MMS19: variants seen among roughly 807,000 people sequenced by gnomAD.
MMS19 encodes the protein MMS19 nucleotide excision repair protein homolog.
MMS19 carries 77 observed loss-of-function variants against 129.8 expected under a neutral mutation model. The observed-to-expected ratio is 0.59, with a 90% CI of 0.49 to 0.72. MMS19 has a LOEUF of 0.72. Among genes scored for constraint, MMS19 ranks in the 30% least tolerant of loss-of-function variants. MMS19 has a pLI of 0.00. For synonymous variants in MMS19, 491 were observed against 502.8 expected (o/e 0.98, Z 0.31); for missense variants, 1,168 against 1,266.3 (o/e 0.92, Z 1.18).
chr10:97,492,253 G>A (rs1294757984), intron 1 of MMS19, among the ~76,000 whole-genome samples: 1 of 148,490 alleles, frequency 6.7e-6, no homozygotes, highest in Admixed American at 6.7e-5. Flanking sequence ...GGCGGATCAC[G>A]AGGTCAGGAG....
intron 1 of MMS19, among the ~76,000 whole-genome samples, chr10:97,493,392 C>T (rs769675581): frequency 3.9e-5 from 6 of 152,032 alleles, no homozygotes; most frequent in South Asian, 2.1e-4. Context: ...CCTTGGGCAA[C>T]AAAACAAGGC....
rs373805431 is a variant in MMS19 at position 97,459,680 on chromosome 10, T to C, written c.2718A>G (p.Val906=). Residue 906 remains valine (V), a synonymous_variant, in exon 27 of 31, where the codon GTA becomes GTG. Coordinates refer to ENST00000438925, the MANE Select transcript of MMS19 (RefSeq NM_022362.5). ...TTACCGTGGGCAGCTCTGGCAAGAG[T>C]ACAGGCTTGGGCAGCCTGTTAAGTA... ...SHVLNRLPKP[V]LLPELPTLLS... 267 of 1,612,296 alleles carry C rather than the reference T, an allele frequency of 1.7e-4. No individual in the cohort carries two copies. The highest frequency in any genetic ancestry group is 2.3e-4 in the Non-Finnish European group (266 of 1,179,238).
rs563214279 is a variant in MMS19 at position 97,476,600 on chromosome 10, T to G, written c.684+83A>C. On this transcript the variant is annotated intron_variant, in intron 8 of 30. Transcript: ENST00000438925. Reference sequence around the variant, plus strand: ...GGCGGGGATGTCTATTTTGGTGACCTGTACCCTCAGTGCCCAGAACAGGGC... The same window carrying G: ...GGCGGGGATGTCTATTTTGGTGACCGGTACCCTCAGTGCCCAGAACAGGGC... The G allele has an allele frequency of 1.5e-4, 202 of 1,319,332 alleles. 1 individual carries two copies. In the African/African-American group the frequency reaches 2.7e-3, roughly 18 times the overall value. 81.7% of individuals were successfully genotyped at this position (1,319,332 alleles called of 1,614,324 possible).
intron 1 of MMS19, among the ~76,000 whole-genome samples, chr10:97,486,164 C>T (rs2037809450): frequency 6.6e-6 from 1 of 152,154 alleles, no homozygotes; most frequent in Admixed American, 6.5e-5. Flanking sequence ...AGAAAGAAAT[C>T]TTACCACTTG....
chr10:97,459,336 C>A, intron 28 of MMS19, 26 bp downstream of exon 28: 1 of 1,610,294 alleles, frequency 6.2e-7, no homozygotes. Flanking sequence ...ATGCTGGTGC[C>A]TAAGAGTTGC....
intron 16 of MMS19, 31 bp downstream of exon 16, chr10:97,466,473 C>A: frequency 6.5e-7 from 1 of 1,532,362 alleles, no homozygotes; most frequent in Non-Finnish European, 9.0e-7. Flanking sequence ...CAGGGAACAG[C>A]TTGCTCTATC....
At position 97,461,846 on chromosome 10, in the gene MMS19, G is replaced by C. The variant is rs749968126; in HGVS notation, c.2166C>G (p.Val722=). The change falls in exon 22 of 31, where the codon GTC becomes GTG. Residue 722 remains valine (V), a synonymous_variant. Coordinates refer to ENST00000438925, the MANE Select transcript of MMS19 (RefSeq NM_022362.5). ...RRLIALLMAF[V]CSLPRNVEIP... is the part of the protein sequence containing the mutation. The stretch of plus-strand genomic sequence containing the variant: ...CACTTACATTTCGAGGCAGGGAGCA[G>C]ACAAAGGCCATAAGCAGTGCAATCA... 6.2e-7 allele frequency: 1 copy of C among 1,609,774 alleles called. No individual in the cohort carries two copies. Among genetic ancestry groups the C allele is most frequent in the East Asian group, 2.2e-5 (1 of 44,762 alleles).
chr10:97,478,089 C>G (rs982648221), intron 4 of MMS19, among the ~76,000 whole-genome samples, 160 bp from the exon 5 acceptor site: 1 of 152,224 alleles, frequency 6.6e-6, no homozygotes, highest in Non-Finnish European at 1.5e-5. Context: ...GATGAGTTCT[C>G]TGCAGCTCTT....
chr10:97,476,997 C>G, intron 6 of MMS19, 34 bp from the exon 7 acceptor site: 1 of 1,612,274 alleles, frequency 6.2e-7, no homozygotes, highest in Non-Finnish European at 8.5e-7. Flanking sequence ...CTATACTGTC[C>G]CACAGCACAG....
In MMS19 at chr10:97,458,727, C is replaced by CA. The variant is rs1229179752; in HGVS notation, c.3066-9dup. On this transcript the variant is annotated splice_polypyrimidine_tract_variant and intron_variant, in intron 30 of 30. Coordinates refer to ENST00000438925, the MANE Select transcript of MMS19 (RefSeq NM_022362.5). ...GGGCTCCCCAACAGAAACCTGTAGG[C>CA]AAAAAGAAAGTTGGCAGCATTAGTG... The CA allele has an allele frequency of 2.5e-6, 4 of 1,611,646 alleles. No homozygotes were observed. Among genetic ancestry groups the CA allele is most frequent in the Non-Finnish European group, 2.5e-6 (3 of 1,178,788 alleles).
intron 20 of MMS19, 114 bp downstream of exon 20, chr10:97,462,469 G>T: frequency 1.4e-6 from 1 of 737,624 alleles, no homozygotes; most frequent in Non-Finnish European, 2.3e-6. Context: ...ACGATTAACT[G>T]CACCACATTT....
In MMS19 at chr10:97,458,550, A is replaced by G; in HGVS notation, c.*142T>C. 1.3e-6 allele frequency: 1 copy of G among 753,936 alleles called. No individual in the cohort carries two copies. Among genetic ancestry groups the G allele is most frequent in the Admixed American group, 2.9e-5 (1 of 34,608 alleles). The allele number at this position is 753,936 out of a possible 1,614,324, so 46.7% of individuals were successfully genotyped here. A position where few individuals can be genotyped will look rare whatever the true frequency, so the allele number is the denominator to read the frequency against. ...GGACTCTTATGTTCTTTGTACAGCC[A>G]TGCAACAGAGGCCTAGCATTTGTGC... On this transcript the variant is annotated 3_prime_UTR_variant, in exon 31 of 31. Coordinates refer to ENST00000438925, the MANE Select transcript of MMS19 (RefSeq NM_022362.5).
chr10:97,475,134 G>T (rs1487500484), intron 8 of MMS19, among the ~76,000 whole-genome samples: 1 of 152,166 alleles, frequency 6.6e-6, no homozygotes, highest in Non-Finnish European at 1.5e-5. Context: ...CATAAAGAAT[G>T]AAAGAGCTAA....
intron 13 of MMS19, 87 bp downstream of exon 13, chr10:97,468,165 G>A (rs1202283718): frequency 1.2e-5 from 17 of 1,363,832 alleles, no homozygotes; most frequent in African/African-American, 3.0e-5. Flanking sequence ...TACTATGTTG[G>A]CCCAAGCTAA....
At chr10:97,492,522 T>G (rs2039085667) in intron 1 of MMS19, among the ~76,000 whole-genome samples, 1 of 147,524 alleles carries the variant, frequency 6.8e-6, no homozygotes, top group Admixed American at 6.8e-5. Flanking sequence ...AAAAATGAGA[T>G]AATAAAGCTA....
At chr10:97,487,832 A>C (rs1299296144) in intron 1 of MMS19, among the ~76,000 whole-genome samples, 1 of 152,010 alleles carries the variant, frequency 6.6e-6, no homozygotes, top group Admixed American at 6.6e-5. Flanking sequence ...ATGGGCAAAA[A>C]CAGGCTGGGC....
chr10:97,478,198 G>A, intron 4 of MMS19, 106 bp downstream of exon 4: 1 of 865,708 alleles, frequency 1.2e-6, no homozygotes, highest in Non-Finnish European at 1.8e-6. Flanking sequence ...CCCACACTTG[G>A]GCACCTGCTC....
In MMS19 at chr10:97,459,702, A is replaced by C; in HGVS notation, c.2696T>G (p.Leu899Arg). The stretch of plus-strand genomic sequence containing the variant: ...GAGTACAGGCTTGGGCAGCCTGTTA[A>C]GTACATGAGAAAGACCCTTCAAGTA... ...PNYLKGLSHV[L>R]NRLPKPVLLP... The change falls in exon 27 of 31, where the codon CTT becomes CGT. Residue 899 changes from leucine to arginine, a missense_variant. Physicochemically the swap from Leu to Arg is moderately radical, Grantham distance 102. Around this residue, in one of 3 missense-constraint regions of MMS19, gnomAD observed 831 missense variants for 910.8 expected, o/e 0.91. Coordinates refer to ENST00000438925, the MANE Select transcript of MMS19 (RefSeq NM_022362.5). 6.2e-7 allele frequency: 1 copy of C among 1,612,752 alleles called. No individual in the cohort carries two copies. Among genetic ancestry groups the C allele is most frequent in the Non-Finnish European group, 8.5e-7 (1 of 1,179,398 alleles).
chr10:97,493,874 G>A (rs2039364783), intron 1 of MMS19, among the ~76,000 whole-genome samples: 1 of 152,128 alleles, frequency 6.6e-6, no homozygotes, highest in African/African-American at 2.4e-5. Context: ...AATTAGCCGT[G>A]TGTGGTGATG....
Sources: allele counts gnomAD v4.1 joint callset (sites outside exome capture counted in the v4.1 genomes callset), GRCh38; gene constraint gnomAD v4.1.1; regional missense constraint gnomAD v4.1.1; transcripts MANE v1.5; gene names NCBI Gene and HGNC (gene_info 2026-07-23, HGNC 2026-07-21).